Variants in DGKZ observed in about 807,000 individuals in gnomAD.
DGKZ encodes the protein diacylglycerol kinase zeta, also known as DAG kinase zeta.
A neutral mutation model predicts 142.5 loss-of-function variants in DGKZ; 45 were observed. That is an observed-to-expected ratio of 0.32 (90% CI 0.25 to 0.40). The LOEUF (loss-of-function observed/expected upper bound fraction) is 0.40. DGKZ is among the 10% of genes least tolerant of loss of function. The probability of loss-of-function intolerance (pLI) is 1.00; values close to 1 mark genes in which losing one functional copy is unlikely to be tolerated. For synonymous variants in DGKZ, 442 were observed against 527.0 expected, an observed-to-expected ratio of 0.84 and a Z score of 2.21; for missense variants, 755 against 1,306.5, an observed-to-expected ratio of 0.58 and a Z score of 6.51.
chr11:46,347,205 G>A (rs1940718942), upstream of DGKZ, among the ~76,000 whole-genome samples: 1 of 152,158 alleles, frequency 6.6e-6, no homozygotes, highest in African/African-American at 2.4e-5. The surrounding 1 kb of genome is among the most constrained non-coding windows in gnomAD (Gnocchi z 6.4). Context: ...TGCGCGTCTG[G>A]ATGCGCGCAG....
intron 1 of DGKZ, among the ~76,000 whole-genome samples, chr11:46,341,261 A>T (rs1334344613): frequency 6.6e-6 from 1 of 152,218 alleles, no homozygotes; most frequent in East Asian, 1.9e-4. Context: ...CTTCCATAGG[A>T]AGTCACTGAG....
chr11:46,376,249 G>A (rs1944521693), intron 22 of DGKZ, 79 bp from the exon 23 acceptor site: 2 of 1,607,414 alleles, frequency 1.2e-6, no homozygotes, highest in Admixed American at 1.7e-5. Context: ...CCTCCTCTGT[G>A]CTGGTTCCCC....
At chr11:46,346,207 C>T (rs773144322), upstream of DGKZ, among the ~76,000 whole-genome samples, 12 of 152,164 alleles carry the variant, frequency 7.9e-5, no homozygotes, top group African/African-American at 1.4e-4. Flanking sequence ...TGGCTATTTG[C>T]GGCTGACTAA....
intron 1 of DGKZ, among the ~76,000 whole-genome samples, chr11:46,352,576 C>G (rs1941540851): frequency 6.6e-6 from 1 of 152,220 alleles, no homozygotes; most frequent in Non-Finnish European, 1.5e-5. Flanking sequence ...GACTCCCGCG[C>G]TGGGCTTCCA....
At chr11:46,346,311 AGTGGGCAGCTGGT>A (rs1353217056), upstream of DGKZ, among the ~76,000 whole-genome samples, 1 of 152,196 alleles carries the variant, frequency 6.6e-6, no homozygotes, top group Non-Finnish European at 1.5e-5. Flanking sequence ...ACACAGAAGT[AGTGGGCAGCTGGT>A]GTGGGCAGCA....
At chr11:46,333,229 G>A (rs1293089836) in exon 1 of DGKZ, 3 of 1,238,858 alleles carry the variant, frequency 2.4e-6, no homozygotes, top group Non-Finnish European at 2.0e-6. Flanking sequence ...GAACTTGAGC[G>A]GGTGCCCGAA....
At chr11:46,371,107 T>A (rs1478866324) in intron 6 of DGKZ, among the ~76,000 whole-genome samples, 1 of 152,098 alleles carries the variant, frequency 6.6e-6, no homozygotes, top group Admixed American at 6.6e-5. Flanking sequence ...AAAAAATGTG[T>A]TCAAAGCTGG....
chr11:46,344,535 C>A (rs1176154822), upstream of DGKZ, among the ~76,000 whole-genome samples: 1 of 150,016 alleles, frequency 6.7e-6, no homozygotes, highest in African/African-American at 2.5e-5. Context: ...CTCATCACAA[C>A]CTCCACCTCC....
chr11:46,364,541 T>G (rs932887646), intron 1 of DGKZ: 37 of 985,290 alleles, frequency 3.8e-5, no homozygotes, highest in Non-Finnish European at 1.4e-5. Flanking sequence ...CTGAGGCAGC[T>G]GGAAACTCCA....
chr11:46,347,960 C>T lies in DGKZ; in HGVS notation c.161+140C>T. 8.3e-7 allele frequency: 1 copy of T among 1,207,558 alleles called. No individual in the cohort carries two copies. Among genetic ancestry groups the T allele is most frequent in the Non-Finnish European group, 1.0e-6 (1 of 955,964 alleles). 74.8% of individuals were successfully genotyped at this position (1,207,558 alleles called of 1,614,324 possible). On this transcript the variant is annotated intron_variant, in intron 1 of 30. Transcript: ENST00000527911. The surrounding 1 kb of genome is among the most constrained non-coding windows in gnomAD (Gnocchi z 6.4). ...CGGGGAGAGGCTGGCACCGGCGGCA[C>T]GAGCCGTCTTGGCGTGGGCACCCAC...
At chr11:46,343,488 C>A (rs949578227), upstream of DGKZ, among the ~76,000 whole-genome samples, 7 of 152,128 alleles carry the variant, frequency 4.6e-5, no homozygotes, top group Non-Finnish European at 1.0e-4. Context: ...CAGTAACAAA[C>A]ACATATACAA....
At chr11:46,343,612 A>G (rs1940385328), upstream of DGKZ, among the ~76,000 whole-genome samples, 1 of 152,248 alleles carries the variant, frequency 6.6e-6, no homozygotes, top group Admixed American at 6.5e-5. Context: ...GTATTTATTT[A>G]CCAAATCCTC....
intron 14 of DGKZ, 68 bp from the exon 15 acceptor site, chr11:46,374,089 A>G: frequency 6.4e-7 from 1 of 1,567,134 alleles, no homozygotes; most frequent in Non-Finnish European, 8.8e-7. Flanking sequence ...GCTCGGCCAC[A>G]CGAGGCCCCT....
chr11:46,359,432 C>A (rs1390580941), intron 1 of DGKZ, among the ~76,000 whole-genome samples: 1 of 152,026 alleles, frequency 6.6e-6, no homozygotes, highest in African/African-American at 2.4e-5. Flanking sequence ...GCGATAAGAG[C>A]CAGACTCCAT....
In DGKZ at chr11:46,372,358, C is replaced by G; in HGVS notation, c.928-70C>G. 2 of 1,540,174 alleles carry G rather than the reference C, an allele frequency of 1.3e-6. No individual in the cohort carries two copies. The highest frequency in any genetic ancestry group is 1.8e-6 in the Non-Finnish European group (2 of 1,114,974). Reference sequence around the variant, plus strand: ...TGGCCCTGGTTCCCACAGTCACACCCCTCTCCCTCTGCTGCTCCCACTTCG... The same window carrying G: ...TGGCCCTGGTTCCCACAGTCACACCGCTCTCCCTCTGCTGCTCCCACTTCG... On this transcript the variant is annotated intron_variant, in intron 10 of 30. Coordinates refer to ENST00000527911, the Ensembl canonical transcript of DGKZ. The surrounding 1 kb of genome is among the most constrained non-coding windows in gnomAD (Gnocchi z 5.9).
At chr11:46,378,676 C>T (rs1350823933) in intron 27 of DGKZ, 176 bp downstream of exon 27, 4 of 953,504 alleles carry the variant, frequency 4.2e-6, no homozygotes, top group Middle Eastern at 2.0e-4. Flanking sequence ...TCTGTCTAGG[C>T]CACAATAGAT....
chr11:46,336,301 C>T (rs1445673663), intron 1 of DGKZ, among the ~76,000 whole-genome samples: 1 of 152,030 alleles, frequency 6.6e-6, no homozygotes, highest in African/African-American at 2.4e-5. Context: ...TGTGTGCCAG[C>T]AGAAACTCAG....
intron 1 of DGKZ, among the ~76,000 whole-genome samples, chr11:46,339,781 G>T (rs1268996704): frequency 6.6e-6 from 1 of 152,250 alleles, no homozygotes; most frequent in Admixed American, 6.5e-5. Context: ...GCCTGGAGTG[G>T]AGTCTCATTT....
chr11:46,347,824 A>AGCGGGGCGGCG lies in DGKZ; in HGVS notation c.161+12_161+22dup, dbSNP rs1270275929. The AGCGGGGCGGCG allele has an allele frequency of 2.3e-6, 3 of 1,285,018 alleles. No individual in the cohort carries two copies. Among genetic ancestry groups the AGCGGGGCGGCG allele is most frequent in the Non-Finnish European group, 3.0e-6 (3 of 1,014,422 alleles). The allele number at this position is 1,285,018 out of a possible 1,614,324, so 79.6% of individuals were successfully genotyped here. On this transcript the variant is annotated splice_donor_region_variant and intron_variant, in intron 1 of 30. Coordinates refer to ENST00000527911, the Ensembl canonical transcript of DGKZ. This position sits in a 1 kb window ranked among gnomAD's most constrained non-coding sequence, Gnocchi z 6.4. The stretch of plus-strand genomic sequence containing the variant: ...GGCTGCGGCTCTTCGGGCACAGGTG[A>AGCGGGGCGGCG]GCGGGGCGGCGGCGGGGCAGGCACC...
Sources: allele counts gnomAD v4.1 joint callset (sites outside exome capture counted in the v4.1 genomes callset), GRCh38; gene constraint gnomAD v4.1.1; non-coding constraint Gnocchi (gnomAD v3.1); transcripts MANE v1.5; gene names NCBI Gene and HGNC (gene_info 2026-07-23, HGNC 2026-07-21).